SYT16: variants seen among roughly 807,000 people sequenced by gnomAD.
SYT16 encodes the protein synaptotagmin-16.
SYT16 carries 42 observed loss-of-function variants against 61.4 expected under a neutral mutation model. The ratio of observed to expected loss-of-function variants is 0.68; its 90% confidence interval spans 0.53 to 0.89. The LOEUF (loss-of-function observed/expected upper bound fraction) is 0.89. Among genes scored for constraint, SYT16 ranks in the 40% least tolerant of loss-of-function variants. The probability of loss-of-function intolerance (pLI) is 0.00; values close to 1 mark genes in which losing one functional copy is unlikely to be tolerated. For synonymous variants in SYT16, 314 were observed against 302.3 expected, an observed-to-expected ratio of 1.04 and a Z score of -0.40; for missense variants, 804 against 807.3, an observed-to-expected ratio of 1.00 and a Z score of 0.05.
Position 61,913,587 on chromosome 14 carries a change from GGAAAT to G in SYT16, c.-324-56540_-324-56536del, listed in dbSNP as rs143605963. The stretch of plus-strand genomic sequence containing the variant: ...TGAAGTTAAACAATTTCCCATTGAT[GGAAAT>G]GAAAGAAAATATACTCTGCTGTAAT... On this transcript the variant is annotated intron_variant, in intron 1 of 7. Transcript: ENST00000683842. 2.5e-3 allele frequency among the ~76,000 whole-genome samples: 379 copies of G among 152,008 alleles called. 3 individuals are homozygous for G. The highest frequency in any genetic ancestry group is 8.8e-3 in the African/African-American group (366 of 41,438).
intron 1 of SYT16, among the ~76,000 whole-genome samples, chr14:61,884,402 A>G (rs1384890973): frequency 4.6e-5 from 7 of 152,206 alleles, no homozygotes; most frequent in Admixed American, 1.3e-4. Context: ...TCCTTTCTTA[A>G]ACACAGATCT....
At chr14:61,853,342 A>G (rs867363402) in intron 1 of SYT16, among the ~76,000 whole-genome samples, 41 of 152,186 alleles carry the variant, frequency 2.7e-4, no homozygotes, top group African/African-American at 8.2e-4. Context: ...TGCTATATTC[A>G]GGGTCAGTTT....
chr14:61,828,136 G>C (rs2045830423), intron 1 of SYT16, among the ~76,000 whole-genome samples: 1 of 152,192 alleles, frequency 6.6e-6, no homozygotes, highest in Admixed American at 6.5e-5. Context: ...AAGCCAAAGA[G>C]AGAGGCTTCA....
rs2055699927 is a variant in SYT16 at position 62,059,119 on chromosome 14, G to C, written c.524-10484G>C. ...GAGGATCAGGAAAAATAACTAATGG[G>C]TACTAGGCTTCATATCTGGGTGATA... On this transcript the variant is annotated intron_variant, in intron 3 of 7. Transcript: ENST00000683842. Among the ~76,000 whole-genome samples, 3 of 151,928 alleles carry C rather than the reference G, an allele frequency of 2.0e-5. No individual in the cohort carries two copies. The South Asian group carries it at 6.2e-4, about 32-fold the overall frequency.
chr14:62,049,668 C>G (rs899934389), intron 3 of SYT16, among the ~76,000 whole-genome samples: 1 of 152,174 alleles, frequency 6.6e-6, no homozygotes, highest in Admixed American at 6.5e-5. Context: ...TTAGGGCAGG[C>G]CTGGTGGTGA....
intron 1 of SYT16, among the ~76,000 whole-genome samples, chr14:61,892,923 T>A (rs2140341247): frequency 6.6e-6 from 1 of 152,134 alleles, no homozygotes; most frequent in East Asian, 1.9e-4. Flanking sequence ...TTTCCTTCCC[T>A]TTGCCACGGT....
intron 1 of SYT16, among the ~76,000 whole-genome samples, chr14:61,868,790 T>C (rs2047239602): frequency 6.6e-6 from 1 of 152,072 alleles, no homozygotes; most frequent in African/African-American, 2.4e-5. Context: ...CTATAAATGC[T>C]GATTAATTTT....
intron 1 of SYT16, among the ~76,000 whole-genome samples, chr14:61,838,843 A>T (rs2046213649): frequency 1.3e-5 from 2 of 152,202 alleles, no homozygotes; most frequent in Non-Finnish European, 2.9e-5. Context: ...TAATATCTCG[A>T]TGAATCATCA....
chr14:61,996,956 T>G (rs2052796867), intron 3 of SYT16, among the ~76,000 whole-genome samples: 1 of 152,108 alleles, frequency 6.6e-6, no homozygotes, highest in Non-Finnish European at 1.5e-5. Flanking sequence ...AATTTTTAGT[T>G]GATAACACTC....
intron 4 of SYT16, among the ~76,000 whole-genome samples, chr14:62,073,614 T>G (rs1051176928): frequency 6.6e-6 from 1 of 152,192 alleles, no homozygotes; most frequent in African/African-American, 2.4e-5. Context: ...ACTTTCTCAA[T>G]GGCCTGCTGT....
intron 1 of SYT16, among the ~76,000 whole-genome samples, chr14:61,824,079 A>T (rs1210601737): frequency 6.6e-6 from 1 of 152,186 alleles, no homozygotes; most frequent in Non-Finnish European, 1.5e-5. Flanking sequence ...ATATAAAGAG[A>T]AGAGTCTGAA....
intron 1 of SYT16, among the ~76,000 whole-genome samples, chr14:61,852,531 T>C (rs2046648084): frequency 6.6e-6 from 1 of 152,256 alleles, no homozygotes; most frequent in Non-Finnish European, 1.5e-5. Context: ...TTTCATGATA[T>C]TGATTCTCCT....
chr14:61,927,100 A>G (rs2049569815), intron 1 of SYT16, among the ~76,000 whole-genome samples: 1 of 152,210 alleles, frequency 6.6e-6, no homozygotes, highest in African/African-American at 2.4e-5. Flanking sequence ...TAGTGTTCAC[A>G]GAGTAACAGC....
intron 5 of SYT16, among the ~76,000 whole-genome samples, chr14:62,080,293 G>T (rs964554866): frequency 3.3e-5 from 5 of 152,176 alleles, no homozygotes; most frequent in African/African-American, 1.2e-4. Context: ...AGATGATTTA[G>T]GTCTACATTA....
At chr14:61,980,791 C>T (rs1000323765) in intron 2 of SYT16, among the ~76,000 whole-genome samples, 1 of 151,958 alleles carries the variant, frequency 6.6e-6, no homozygotes, top group Non-Finnish European at 1.5e-5. Context: ...ATGGTAAGGG[C>T]TTAAAAAAAG....
At chr14:61,882,332 T>C (rs1184462775) in intron 1 of SYT16, among the ~76,000 whole-genome samples, 1 of 152,218 alleles carries the variant, frequency 6.6e-6, no homozygotes, top group African/African-American at 2.4e-5. Context: ...TCTGTATTAG[T>C]CTGTTCTTAC....
chr14:61,907,763 A>G (rs546026858), intron 1 of SYT16, among the ~76,000 whole-genome samples: 1 of 152,372 alleles, frequency 6.6e-6, no homozygotes, highest in East Asian at 1.9e-4. Context: ...CTCTGGCACA[A>G]TATGGGGAGA....
chr14:62,078,130 G>GCTCTCTCT (rs1368534893), intron 5 of SYT16, among the ~76,000 whole-genome samples: 14 of 129,858 alleles, frequency 1.1e-4, no homozygotes, highest in African/African-American at 3.3e-4. Flanking sequence ...TCTCTCTAGT[G>GCTCTCTCT]CTCTCTCGCT....
chr14:62,003,720 C>T (rs1243403356), intron 3 of SYT16, among the ~76,000 whole-genome samples: 1 of 151,972 alleles, frequency 6.6e-6, no homozygotes, highest in Admixed American at 6.6e-5. Context: ...CATGTTTGGG[C>T]TGAGGGATAA....
Sources: gnomAD v4.1 joint callset for allele counts (sites outside exome capture counted in the v4.1 genomes callset) on GRCh38, gnomAD v4.1.1 for gene constraint, MANE v1.5 for transcripts, NCBI Gene and HGNC (gene_info 2026-07-23, HGNC 2026-07-21) for gene names.